SNX29: variants seen among roughly 807,000 people sequenced by gnomAD.
The protein encoded by SNX29 is sorting nexin 29.
SNX29 carries 78 observed loss-of-function variants against 102.1 expected under a neutral mutation model. The ratio of observed to expected loss-of-function variants is 0.76; its 90% CI spans 0.64 to 0.92. The LOEUF is 0.92. Ranked by LOEUF, SNX29 falls within the 40% of genes least tolerant of loss-of-function variation. The pLI is 0.00. For missense variants in SNX29, 1,280 were observed against 1,061.7 expected, an observed-to-expected ratio of 1.21 and a Z score of -2.86; for synonymous variants, 580 against 414.5, an observed-to-expected ratio of 1.40 and a Z score of -4.85.
intron 20 of SNX29, among the ~76,000 whole-genome samples, chr16:12,549,087 G>A (rs1290616910): frequency 6.6e-6 from 1 of 152,170 alleles, no homozygotes; most frequent in Non-Finnish European, 1.5e-5. Context: ...TCGGCTCCCT[G>A]TTACAGTGTC....
chr16:12,565,430 G>A (rs9921087), intron 20 of SNX29, among the ~76,000 whole-genome samples: 1,484 of 139,490 alleles, frequency 0.011, 14 homozygotes, highest in Middle Eastern at 0.039. Flanking sequence ...CCATCCTCCC[G>A]TGGCCTCACC....
chr16:12,272,550 C>G (rs188850759), intron 14 of SNX29, among the ~76,000 whole-genome samples: 1 of 152,268 alleles, frequency 6.6e-6, no homozygotes, highest in East Asian at 1.9e-4. Context: ...CCTGACTTTT[C>G]TAAGTCCCAT....
chr16:12,045,227 A>G (rs2050038678), intron 5 of SNX29, among the ~76,000 whole-genome samples: 1 of 152,142 alleles, frequency 6.6e-6, no homozygotes, highest in Non-Finnish European at 1.5e-5. Flanking sequence ...TCTTTCTGTT[A>G]GTTGTATTCA....
At chr16:12,050,474 G>A (rs1489237073) in intron 7 of SNX29, among the ~76,000 whole-genome samples, 2 of 152,076 alleles carry the variant, frequency 1.3e-5, no homozygotes, top group Admixed American at 6.5e-5. Flanking sequence ...TGGCTCTTCT[G>A]CTGGGCTCTT....
At chr16:12,160,419 C>T (rs2055734875) in intron 13 of SNX29, among the ~76,000 whole-genome samples, 1 of 152,200 alleles carries the variant, frequency 6.6e-6, no homozygotes, top group Non-Finnish European at 1.5e-5. Context: ...TTTAGAAGGT[C>T]ACAGCCAGAA....
At chr16:12,088,289 G>A (rs1171573390) in intron 11 of SNX29, 3 of 361,484 alleles carry the variant, frequency 8.3e-6, no homozygotes, top group Admixed American at 7.3e-5. Flanking sequence ...AGGGGCGGGT[G>A]TTGGGTGGGT....
rs999385854 is a variant in SNX29, at chr16:12,573,898, G to C, written c.*5269G>C. ...CCCTGGCTTAGCCGTCAGGTAGAAC[G>C]CTTACTCACCTGACACCGACTTCTT... On this transcript the variant is annotated 3_prime_UTR_variant, in exon 21 of 21. Coordinates refer to ENST00000566228, the MANE Select transcript of SNX29 (RefSeq NM_032167.5). 1 of 205,170 alleles carries C rather than the reference G, an allele frequency of 4.9e-6. No individual in the cohort carries two copies. Among genetic ancestry groups the C allele is most frequent in the African/African-American group, 2.3e-5 (1 of 43,740 alleles). 12.7% of individuals were successfully genotyped at this position (205,170 alleles called of 1,614,324 possible). A position where few individuals can be genotyped will look rare whatever the true frequency, so the allele number is the denominator to read the frequency against.
chr16:12,339,264 G>A lies in SNX29; in HGVS notation c.1783-16899G>A, dbSNP rs550383766. The stretch of plus-strand genomic sequence containing the variant: ...CGCATGCCTGTAATCCCAGCTACTT[G>A]TGTGGCTGAGGCAGAAGAATCTCTT... On this transcript the variant is annotated intron_variant, in intron 15 of 20. Transcript: ENST00000566228. 5.3e-5 allele frequency among the ~76,000 whole-genome samples: 8 copies of A among 151,212 alleles called. No individual in the cohort carries two copies. The South Asian group carries it at 1.7e-3, about 32-fold the overall frequency.
intron 11 of SNX29, among the ~76,000 whole-genome samples, chr16:12,103,253 CCTAAGCAAAAA>C (rs1267342247): frequency 1.3e-5 from 2 of 152,172 alleles, no homozygotes; most frequent in Non-Finnish European, 2.9e-5. Context: ...CCAAGCTAAT[CCTAAGCAAAAA>C]GAACAAAGCT....
intron 16 of SNX29, among the ~76,000 whole-genome samples, chr16:12,384,402 T>A (rs2083278760): frequency 6.6e-6 from 1 of 152,234 alleles, no homozygotes; most frequent in African/African-American, 2.4e-5. Flanking sequence ...GTCTTTTGGA[T>A]TAAAACCATT....
chr16:12,078,781 G>T, intron 10 of SNX29, 52 bp from the exon 11 acceptor site: 1 of 1,473,578 alleles, frequency 6.8e-7, no homozygotes, highest in South Asian at 1.2e-5. Flanking sequence ...AATGGTGAGG[G>T]TGTGTACTTT....
intron 13 of SNX29, among the ~76,000 whole-genome samples, chr16:12,158,325 G>A (rs530127098): frequency 1.3e-5 from 2 of 152,098 alleles, no homozygotes; most frequent in East Asian, 1.9e-4. Context: ...TCAGCCTGCC[G>A]AGTAGCTGGG....
chr16:12,372,299 A>G (rs972922633), intron 16 of SNX29, among the ~76,000 whole-genome samples: 4 of 152,198 alleles, frequency 2.6e-5, no homozygotes, highest in Non-Finnish European at 4.4e-5. Context: ...TCAAGGTGTC[A>G]TTCATTCTTT....
intron 3 of SNX29, among the ~76,000 whole-genome samples, chr16:12,025,702 G>A (rs1199546180): frequency 6.6e-6 from 1 of 152,212 alleles, no homozygotes; most frequent in South Asian, 2.1e-4. Context: ...ACAGTGGAAA[G>A]GCATGAATGC....
intron 13 of SNX29, among the ~76,000 whole-genome samples, chr16:12,172,500 A>ATCCTTCACCTC (rs150774562): frequency 6.6e-6 from 1 of 152,248 alleles, no homozygotes; most frequent in East Asian, 1.9e-4. Flanking sequence ...CTTGGTCACC[A>ATCCTTCACCTC]TCCTTCACCT....
rs28397159 is a variant in SNX29, at chr16:12,552,476, G to T, written c.2319-16030G>T. On this transcript the variant is annotated intron_variant, in intron 20 of 20. Coordinates refer to ENST00000566228, the MANE Select transcript of SNX29 (RefSeq NM_032167.5). ...CCTCGGGTCCATCTCATCACCCAAC[G>T]ATTGGGCCTCAGGAATCTTGCTCAA... Among the ~76,000 whole-genome samples the T allele has an allele frequency of 3.4e-4, 52 of 152,272 alleles. No homozygotes were observed. In the East Asian group the frequency reaches 9.1e-3, roughly 27 times the overall value.
chr16:12,195,334 G>A (rs192044239), intron 13 of SNX29, among the ~76,000 whole-genome samples: 3 of 152,288 alleles, frequency 2.0e-5, no homozygotes, highest in East Asian at 3.9e-4. Context: ...TATATTCAAA[G>A]CATCCTCATG....
chr16:12,367,247 C>G (rs1048687028), intron 16 of SNX29: 2 of 152,322 alleles, frequency 1.3e-5, no homozygotes, highest in Admixed American at 6.5e-5. Flanking sequence ...CTGTTGTCTT[C>G]ATTTTCCTAC....
At chr16:12,172,894 C>T (rs1163388022) in intron 13 of SNX29, among the ~76,000 whole-genome samples, 3 of 152,178 alleles carry the variant, frequency 2.0e-5, no homozygotes, top group Admixed American at 6.5e-5. Context: ...TGGTCTTCGT[C>T]GCAGCTGCTC....
Sources: allele counts gnomAD v4.1 joint callset (sites outside exome capture counted in the v4.1 genomes callset), GRCh38; gene constraint gnomAD v4.1.1; transcripts MANE v1.5; gene names NCBI Gene and HGNC (gene_info 2026-07-23, HGNC 2026-07-21).